SETBP1: variants seen among roughly 807,000 people sequenced by gnomAD.
The protein encoded by SETBP1 is SET-binding protein.
In SETBP1, 9 loss-of-function variants were observed where a neutral mutation model predicts 101.0. The observed-to-expected ratio is 0.09, with a 90% confidence interval of 0.05 to 0.16. SETBP1 has a LOEUF of 0.16. Ranked by LOEUF, SETBP1 falls within the 10% of genes least tolerant of loss-of-function variation. SETBP1 has a pLI of 1.00. For synonymous variants in SETBP1, 818 were observed against 788.5 expected (o/e 1.04, Z -0.63); for missense variants, 1,858 against 2,033.8 (o/e 0.91, Z 1.66).
chr18:44,759,108 G>A (rs2070576511), intron 2 of SETBP1, among the ~76,000 whole-genome samples: 1 of 152,180 alleles, frequency 6.6e-6, no homozygotes, highest in Non-Finnish European at 1.5e-5. Context: ...TAATTGGTGA[G>A]TCAGTTTTTT....
intron 2 of SETBP1, among the ~76,000 whole-genome samples, chr18:44,851,600 T>A (rs1174768223): frequency 6.6e-6 from 1 of 152,240 alleles, no homozygotes; most frequent in Non-Finnish European, 1.5e-5. Context: ...TTCTCTCTCC[T>A]GGTCTCTTCC....
intron 2 of SETBP1, among the ~76,000 whole-genome samples, chr18:44,859,758 A>G (rs2068962113): frequency 6.6e-6 from 1 of 152,206 alleles, no homozygotes; most frequent in Admixed American, 6.5e-5. Flanking sequence ...CCAAGAGTTC[A>G]AGGTGGGCTT....
At chr18:44,723,355 T>C (rs968190445) in intron 2 of SETBP1, among the ~76,000 whole-genome samples, 1 of 152,160 alleles carries the variant, frequency 6.6e-6, no homozygotes, top group African/African-American at 2.4e-5. Context: ...TTTTATTGCT[T>C]GATGGATACA....
intron 1 of SETBP1, among the ~76,000 whole-genome samples, chr18:44,688,755 G>A (rs969769525): frequency 6.6e-6 from 1 of 152,090 alleles, no homozygotes; most frequent in Non-Finnish European, 1.5e-5. Context: ...GCCTGGCCAA[G>A]ACCTTGGTTT....
intron 1 of SETBP1, among the ~76,000 whole-genome samples, chr18:44,686,429 C>T (rs1182683015): frequency 1.3e-5 from 2 of 152,216 alleles, no homozygotes; most frequent in Non-Finnish European, 2.9e-5. Context: ...GCTAGTTGCA[C>T]CCAGCCTCCT....
chr18:44,900,045 A>C (rs1313143868), intron 3 of SETBP1, among the ~76,000 whole-genome samples: 2 of 152,172 alleles, frequency 1.3e-5, no homozygotes, highest in Non-Finnish European at 2.9e-5. Context: ...CTGTGTTGCA[A>C]TAAAACTTTA....
intron 4 of SETBP1, among the ~76,000 whole-genome samples, chr18:44,976,100 AC>A (rs2145214278): frequency 6.6e-6 from 1 of 151,994 alleles, no homozygotes; most frequent in African/African-American, 2.4e-5. Flanking sequence ...ACACACACAC[AC>A]ACACACACAC....
At chr18:44,717,499 C>T (rs2069492063) in intron 2 of SETBP1, among the ~76,000 whole-genome samples, 3 of 152,214 alleles carry the variant, frequency 2.0e-5, no homozygotes, top group South Asian at 2.1e-4. Context: ...AGACACAGGG[C>T]TCTGCTGGCC....
At chr18:45,028,238 C>A (rs560964199) in intron 4 of SETBP1, among the ~76,000 whole-genome samples, 63 of 148,352 alleles carry the variant, frequency 4.2e-4, no homozygotes, top group African/African-American at 1.3e-3. Flanking sequence ...TCAGTTCCCA[C>A]CTATGAGTGA....
intron 2 of SETBP1, among the ~76,000 whole-genome samples, chr18:44,801,069 G>A (rs1568152518): frequency 6.6e-6 from 1 of 152,108 alleles, no homozygotes; most frequent in South Asian, 2.1e-4. Context: ...CTCATAGGTG[G>A]GAATTGAACA....
At chr18:44,775,427 T>G (rs1177828104) in intron 2 of SETBP1, among the ~76,000 whole-genome samples, 2 of 152,188 alleles carry the variant, frequency 1.3e-5, no homozygotes, top group Admixed American at 6.5e-5. Flanking sequence ...GTTTATGAAG[T>G]CTAGAATCTT....
At chr18:44,703,561 T>A (rs995060087) in intron 2 of SETBP1, among the ~76,000 whole-genome samples, 9 of 151,846 alleles carry the variant, frequency 5.9e-5, no homozygotes, top group Admixed American at 5.3e-4. Flanking sequence ...CCTCACAGTT[T>A]GCCCAAAAAA....
In SETBP1 at chr18:44,952,182, C is replaced by T. The variant is rs751366974; in HGVS notation, c.2842C>T (p.Arg948Cys). The change falls in exon 4 of 6, where the codon CGC becomes TGC. Residue 948 changes from arginine (R) to cysteine (C), a missense_variant. By Grantham distance (180) the Arg-to-Cys change is radical. Around this residue, in one of 12 missense-constraint regions of SETBP1, gnomAD observed 255 missense variants for 300.1 expected, o/e 0.85. Coordinates refer to ENST00000649279, the MANE Select transcript of SETBP1 (RefSeq NM_015559.3). ...GAGGAAACGGAAAAGCCTGCAAAAC[C>T]GCGATGACCTCCAGTTTCTGGCAGA... ...HKRKRKSLQN[R>C]DDLQFLADLE... The T allele has an allele frequency of 2.4e-5, 38 of 1,614,028 alleles. No homozygotes were observed. Among genetic ancestry groups the T allele is most frequent in the South Asian group, 2.2e-4 (20 of 91,080 alleles).
chr18:44,925,117 T>C (rs1017097717), intron 3 of SETBP1, among the ~76,000 whole-genome samples: 1 of 151,644 alleles, frequency 6.6e-6, no homozygotes, highest in Non-Finnish European at 1.5e-5. Context: ...TTTTTTTTTT[T>C]TAAACCACAG....
rs563270796 is a variant in SETBP1, at chr18:44,905,098, A to G, written c.540+35815A>G. ...ATGAATAAAAGTATAAGAGACCACA[A>G]TTATAGAGGTGAGTAGCTTTAGGAT... On this transcript the variant is annotated intron_variant, in intron 3 of 5. Transcript: ENST00000649279. 8.5e-5 allele frequency among the ~76,000 whole-genome samples: 13 copies of G among 152,340 alleles called. 1 individual carries two copies. Among genetic ancestry groups the G allele is most frequent in the East Asian group, 7.7e-4 (4 of 5,186 alleles).
chr18:44,736,979 C>T (rs891751641), intron 2 of SETBP1, among the ~76,000 whole-genome samples: 2 of 152,278 alleles, frequency 1.3e-5, no homozygotes, highest in African/African-American at 4.8e-5. Flanking sequence ...AGTCTTTTTT[C>T]CTCAGTATAT....
intron 4 of SETBP1, among the ~76,000 whole-genome samples, chr18:45,007,853 A>G (rs1182447706): frequency 6.6e-6 from 1 of 152,160 alleles, no homozygotes; most frequent in Non-Finnish European, 1.5e-5. Flanking sequence ...ACCAGGGCTG[A>G]CCCACCTCAG....
At chr18:44,696,662 T>C (rs2069022867) in intron 1 of SETBP1, among the ~76,000 whole-genome samples, 1 of 152,208 alleles carries the variant, frequency 6.6e-6, no homozygotes, top group Admixed American at 6.5e-5. Context: ...AGTGTACCCA[T>C]AGGTCTATGG....
At chr18:45,014,260 C>A (rs1011038358) in intron 4 of SETBP1, among the ~76,000 whole-genome samples, 1 of 152,136 alleles carries the variant, frequency 6.6e-6, no homozygotes, top group African/African-American at 2.4e-5. Context: ...TCAGAGGAAT[C>A]GGTTTCAGCC....
Sources: gnomAD v4.1 joint callset for allele counts (sites outside exome capture counted in the v4.1 genomes callset) on GRCh38, gnomAD v4.1.1 for gene constraint, gnomAD v4.1.1 regional missense constraint, MANE v1.5 for transcripts, NCBI Gene and HGNC (gene_info 2026-07-23, HGNC 2026-07-21) for gene names.